FHIT: variants seen among roughly 807,000 people sequenced by gnomAD.
The protein encoded by FHIT is bis(5'-adenosyl)-triphosphatase.
FHIT carries 19 observed loss-of-function variants against 17.9 expected under a neutral mutation model. That is an observed-to-expected ratio of 1.06 (90% CI 0.74 to 1.56). The LOEUF (loss-of-function observed/expected upper bound fraction) is 1.56. Among genes scored for constraint, FHIT ranks in the 40% most tolerant of loss-of-function variants. The pLI is 0.00. For missense variants in FHIT, 248 were observed against 189.2 expected (o/e 1.31, Z -1.82); for synonymous variants, 81 against 69.7 (o/e 1.16, Z -0.81).
intron 5 of FHIT, among the ~76,000 whole-genome samples, chr3:60,464,258 C>T (rs2032655459): frequency 6.6e-6 from 1 of 151,974 alleles, no homozygotes; most frequent in Non-Finnish European, 1.5e-5. Flanking sequence ...GTTGTAGGTA[C>T]ATTTATGGGG....
At chr3:60,994,091 T>C (rs558914913) in intron 3 of FHIT, among the ~76,000 whole-genome samples, 1 of 152,272 alleles carries the variant, frequency 6.6e-6, no homozygotes, top group African/African-American at 2.4e-5. Flanking sequence ...GCCGAAATGA[T>C]AATATTTTAA....
chr3:60,573,560 C>G (rs2037460645), intron 4 of FHIT, among the ~76,000 whole-genome samples: 1 of 152,120 alleles, frequency 6.6e-6, no homozygotes, highest in Non-Finnish European at 1.5e-5. Flanking sequence ...CATGTCCTTC[C>G]TGAACTGAGA....
intron 5 of FHIT, among the ~76,000 whole-genome samples, chr3:60,252,852 G>T (rs1302646910): frequency 6.6e-6 from 1 of 151,778 alleles, no homozygotes; most frequent in East Asian, 1.9e-4. Context: ...AAAAAAATTA[G>T]CCGGGCGTGG....
At chr3:60,864,006 G>A (rs1051013735) in intron 3 of FHIT, among the ~76,000 whole-genome samples, 7 of 152,158 alleles carry the variant, frequency 4.6e-5, no homozygotes, top group Non-Finnish European at 2.9e-5. Flanking sequence ...CCACATGGCT[G>A]AGAAGACCTC....
intron 2 of FHIT, among the ~76,000 whole-genome samples, chr3:61,197,466 T>C (rs2038884826): frequency 6.6e-6 from 1 of 151,748 alleles, no homozygotes; most frequent in Admixed American, 6.6e-5. Context: ...TTGATATACC[T>C]GTTAAAAAAA....
chr3:61,068,860 C>G (rs975184898), intron 2 of FHIT, among the ~76,000 whole-genome samples: 17 of 152,220 alleles, frequency 1.1e-4, no homozygotes, highest in Non-Finnish European at 1.5e-5. Flanking sequence ...CTTCAGTGGG[C>G]CCCTTTCCTA....
At chr3:60,638,123 A>G (rs982162683) in intron 4 of FHIT, among the ~76,000 whole-genome samples, 1 of 152,208 alleles carries the variant, frequency 6.6e-6, no homozygotes. Flanking sequence ...AGTTGCCAGG[A>G]CACCAACTTA....
chr3:60,655,450 A>C (rs1285385846), intron 4 of FHIT, among the ~76,000 whole-genome samples: 1 of 152,228 alleles, frequency 6.6e-6, no homozygotes, highest in Admixed American at 6.5e-5. Flanking sequence ...CTGGAGGAAT[A>C]GCGAATAAAG....
chr3:60,878,170 A>C (rs1014168103), intron 3 of FHIT, among the ~76,000 whole-genome samples: 28 of 152,034 alleles, frequency 1.8e-4, no homozygotes, highest in Non-Finnish European at 4.4e-5. Context: ...CACTGAATCA[A>C]AGCTGGTAGG....
intron 7 of FHIT, among the ~76,000 whole-genome samples, chr3:59,980,168 T>C (rs1708590540): frequency 1.3e-5 from 2 of 152,140 alleles, no homozygotes; most frequent in African/African-American, 4.8e-5. Flanking sequence ...TGAAGCTAAC[T>C]CACTAAATTA....
At chr3:60,012,263 G>GTT (rs1416490274) in intron 6 of FHIT, among the ~76,000 whole-genome samples, 23 of 118,952 alleles carry the variant, frequency 1.9e-4, no homozygotes, top group African/African-American at 6.7e-4. Flanking sequence ...TGTTTTTTTT[G>GTT]TTGTTTTTTT....
intron 5 of FHIT, among the ~76,000 whole-genome samples, chr3:60,188,830 A>G (rs986421198): frequency 6.6e-6 from 1 of 152,134 alleles, no homozygotes; most frequent in Non-Finnish European, 1.5e-5. Flanking sequence ...AGAATGCAGA[A>G]TTTCAAAATG....
At chr3:61,057,373 G>T (rs912753597) in intron 2 of FHIT, among the ~76,000 whole-genome samples, 4 of 152,034 alleles carry the variant, frequency 2.6e-5, no homozygotes, top group African/African-American at 9.7e-5. Context: ...CCTTGGAATG[G>T]CATCCATATG....
intron 3 of FHIT, among the ~76,000 whole-genome samples, chr3:60,920,345 A>C (rs1457897486): frequency 6.6e-6 from 1 of 152,192 alleles, no homozygotes; most frequent in Non-Finnish European, 1.5e-5. Flanking sequence ...AAATTGCATT[A>C]GCTTAGTATT....
At chr3:60,849,461 TATAA>T (rs1172963930) in intron 3 of FHIT, among the ~76,000 whole-genome samples, 7 of 143,454 alleles carry the variant, frequency 4.9e-5, no homozygotes, top group Non-Finnish European at 7.7e-5. Context: ...TATATATATA[TATAA>T]AATTATTATG....
rs1324641044 is a variant in FHIT, at chr3:60,895,651, C to CTCCTTCCT, written c.-110-73648_-110-73641dup. On this transcript the variant is annotated intron_variant, in intron 3 of 9. Coordinates refer to ENST00000492590, the MANE Select transcript of FHIT (RefSeq NM_002012.4). Reference sequence around the variant, plus strand: ...TTTCTCCCTTCTTTCCTTCCTTTCCCTCCTTCCTTCCTTCCTTTCTTTCTT... The same window carrying CTCCTTCCT: ...TTTCTCCCTTCTTTCCTTCCTTTCCCTCCTTCCTTCCTTCCTTCCTTCCTTTCTTTCTT... 1.1e-3 allele frequency among the ~76,000 whole-genome samples: 146 copies of CTCCTTCCT among 136,060 alleles called. 2 individuals are homozygous for CTCCTTCCT. The highest frequency in any genetic ancestry group is 3.9e-3 in the African/African-American group (126 of 32,214). 89.3% of individuals were successfully genotyped at this position (136,060 alleles called of 152,430 possible).
At chr3:60,276,175 AC>A (rs1484214939) in intron 5 of FHIT, among the ~76,000 whole-genome samples, 1 of 151,718 alleles carries the variant, frequency 6.6e-6, no homozygotes, top group Non-Finnish European at 1.5e-5. Context: ...TTTAGTAGAG[AC>A]CGGGTTTCAC....
intron 4 of FHIT, among the ~76,000 whole-genome samples, chr3:60,800,060 C>T (rs891609689): frequency 6.7e-6 from 1 of 149,270 alleles, no homozygotes. Flanking sequence ...AGCATGAAGC[C>T]TTTATTCCCA....
chr3:60,660,551 T>C (rs980116910), intron 4 of FHIT, among the ~76,000 whole-genome samples: 2 of 152,010 alleles, frequency 1.3e-5, no homozygotes, highest in African/African-American at 4.8e-5. Context: ...TGCCATGCAG[T>C]TGTTCTCTAG....
Sources: gnomAD v4.1 joint callset for allele counts (sites outside exome capture counted in the v4.1 genomes callset) on GRCh38, gnomAD v4.1.1 for gene constraint, MANE v1.5 for transcripts, NCBI Gene and HGNC (gene_info 2026-07-23, HGNC 2026-07-21) for gene names.